PLOD1: variants seen among roughly 807,000 people sequenced by gnomAD.
The protein encoded by PLOD1 is lysine hydroxylase.
A neutral mutation model predicts 94.7 loss-of-function variants in PLOD1; 70 were observed. The observed-to-expected ratio is 0.74, with a 90% confidence interval of 0.61 to 0.90. PLOD1 has a LOEUF of 0.90. Ranked by LOEUF, PLOD1 falls within the 40% of genes least tolerant of loss-of-function variation. The pLI is 0.00. For synonymous variants in PLOD1, 417 were observed against 400.2 expected, an observed-to-expected ratio of 1.04 and a Z score of -0.50; for missense variants, 905 against 972.7, an observed-to-expected ratio of 0.93 and a Z score of 0.93.
chr1:11,934,981 T>G (rs1645568582), intron 1 of PLOD1, 126 bp downstream of exon 1: 1 of 1,197,032 alleles, frequency 8.4e-7, no homozygotes, highest in East Asian at 2.9e-5. Context: ...TCCGGCTCCT[T>G]GTCCACTTAA....
At chr1:11,949,468 G>A (rs563036918) in intron 2 of PLOD1, among the ~76,000 whole-genome samples, 51 of 152,248 alleles carry the variant, frequency 3.3e-4, no homozygotes, top group Non-Finnish European at 5.1e-4. Context: ...CTCCCAGGCT[G>A]AAGTGCAATG....
intron 1 of PLOD1, among the ~76,000 whole-genome samples, chr1:11,945,911 G>T (rs1645650902): frequency 6.6e-6 from 1 of 152,008 alleles, no homozygotes; most frequent in South Asian, 2.1e-4. Context: ...GTTTCACCAT[G>T]TTGGCCAGGC....
chr1:11,954,867 T>C lies in PLOD1; in HGVS notation c.617T>C (p.Ile206Thr), dbSNP rs781376270. The C allele has an allele frequency of 1.2e-6, 2 of 1,613,986 alleles. No individual in the cohort carries two copies. Among genetic ancestry groups the C allele is most frequent in the Non-Finnish European group, 1.7e-6 (2 of 1,179,844 alleles). ...ATCACCCTGGACCACCGCTGCCGTATCTTCCAGAACCTGGATGGAGCCTTG... is the reference window on the plus strand; with the variant it reads ...ATCACCCTGGACCACCGCTGCCGTACCTTCCAGAACCTGGATGGAGCCTTG... ...INITLDHRCR[I>T]FQNLDGALDE... Residue 206 changes from isoleucine (I) to threonine (T), a missense_variant, in exon 6 of 19, where the codon ATC (isoleucine) becomes ACC (threonine). Physicochemically the swap from Ile to Thr is moderately conservative, Grantham distance 89. Transcript: ENST00000196061.
Position 11,934,741 on chromosome 1 carries a change from G to C in PLOD1, c.-39G>C. 3 of 1,518,852 alleles carry C rather than the reference G, an allele frequency of 2.0e-6. No homozygotes were observed. Among genetic ancestry groups the C allele is most frequent in the South Asian group, 2.4e-5 (2 of 81,808 alleles). 94.1% of individuals were successfully genotyped at this position (1,518,852 alleles called of 1,614,324 possible). ...CGTCGCGAAGTTTCCAGCCCTGCGAGCGCCGCCGGGTCGGCCGATCGTCCC... is the reference window on the plus strand; with the variant it reads ...CGTCGCGAAGTTTCCAGCCCTGCGACCGCCGCCGGGTCGGCCGATCGTCCC... On this transcript the variant is annotated 5_prime_UTR_variant, in exon 1 of 19. Coordinates refer to ENST00000196061, the MANE Select transcript of PLOD1 (RefSeq NM_000302.4).
chr1:11,944,700 T>TC, intron 1 of PLOD1: 1 of 1,259,874 alleles, frequency 7.9e-7, no homozygotes, highest in Non-Finnish European at 1.0e-6. Flanking sequence ...GCCTGGTGTA[T>TC]CCACCCCCTC....
chr1:11,957,319 C>T lies in PLOD1; in HGVS notation c.741+305C>T, dbSNP rs150684966. The T allele has an allele frequency of 1.1e-5, 6 of 558,866 alleles. No homozygotes were observed. Among genetic ancestry groups the T allele is most frequent in the Non-Finnish European group, 2.0e-5 (6 of 293,954 alleles). 34.6% of individuals were successfully genotyped at this position (558,866 alleles called of 1,614,324 possible). The stretch of plus-strand genomic sequence containing the variant: ...ACCCCAGGGCAGAGTCACTTATTCA[C>T]TCAGTAAACCTTTATTTCATGTTTG... On this transcript the variant is annotated intron_variant, in intron 7 of 18. Coordinates refer to ENST00000196061, the MANE Select transcript of PLOD1 (RefSeq NM_000302.4). This position sits in a 1 kb window ranked among gnomAD's most constrained non-coding sequence, Gnocchi z 4.1.
At chr1:11,947,868 TGAA>T (rs1557485355) in intron 1 of PLOD1, 105 bp from the exon 2 acceptor site, 2 of 773,362 alleles carry the variant, frequency 2.6e-6, no homozygotes, top group South Asian at 1.4e-5. Context: ...TGGGTTGACA[TGAA>T]GACACTTCCT....
Position 11,948,066 on chromosome 1 carries a change from A to G in PLOD1, c.167A>G (p.Gln56Arg), listed in dbSNP as rs1169919643. 6.2e-7 allele frequency: 1 copy of G among 1,609,458 alleles called. No individual in the cohort carries two copies. The highest frequency in any genetic ancestry group is 8.5e-7 in the Non-Finnish European group (1 of 1,175,748). ...GCTCAGTTCTTCAACTACAAGATCC[A>G]GGTAAGGGGTTTCCTGGGTGAGGCA... is the stretch of plus-strand genomic sequence containing the variant. ...RSAQFFNYKIQALGLGEDWNV... is the reference protein window; with the variant it reads ...RSAQFFNYKIRALGLGEDWNV... Residue 56 changes from glutamine (Q) to arginine (R), a missense_variant and splice_region_variant, in exon 2 of 19, where the codon CAG (glutamine) becomes CGG (arginine). Transcript: ENST00000196061.
chr1:11,950,527 G>C lies in PLOD1; in HGVS notation c.466+7G>C. 2 of 1,613,654 alleles carry C rather than the reference G, an allele frequency of 1.2e-6. No individual in the cohort carries two copies. On this transcript the variant is annotated splice_region_variant and intron_variant, in intron 4 of 18. Coordinates refer to ENST00000196061, the MANE Select transcript of PLOD1 (RefSeq NM_000302.4). Reference sequence around the variant, plus strand: ...AGGTTCCTGGGCTCTGGAGGTGAGAGGCCTGGGTGCAGGGCGCTTGGCCCA... The same window carrying C: ...AGGTTCCTGGGCTCTGGAGGTGAGACGCCTGGGTGCAGGGCGCTTGGCCCA...
intron 5 of PLOD1, among the ~76,000 whole-genome samples, chr1:11,953,550 T>C (rs1034261507): frequency 6.6e-6 from 1 of 151,578 alleles, no homozygotes; most frequent in Non-Finnish European, 1.5e-5. Flanking sequence ...CCCAGCACTT[T>C]GGAGGCCAAA....
At chr1:11,953,957 C>T (rs1057262690) in intron 5 of PLOD1, among the ~76,000 whole-genome samples, 23 of 151,582 alleles carry the variant, frequency 1.5e-4, no homozygotes, top group Non-Finnish European at 2.5e-4. Flanking sequence ...CTCAGCCTCC[C>T]GGACTCAAGC....
rs1003502922 is a variant in PLOD1 at position 11,957,813 on chromosome 1, T to G, written c.742-29T>G. 1.3e-6 allele frequency: 2 copies of G among 1,545,100 alleles called. No homozygotes were observed. Among genetic ancestry groups the G allele is most frequent in the Non-Finnish European group, 1.8e-6 (2 of 1,117,048 alleles). On this transcript the variant is annotated intron_variant, in intron 7 of 18. Transcript: ENST00000196061. The surrounding 1 kb of genome is among the most constrained non-coding windows in gnomAD (Gnocchi z 4.1). Reference sequence around the variant, plus strand: ...GCTATGGCAGGTGGGGCTGGCTGGCTTCTCTGTGACCCCACGTCTCCCCGA... The same window carrying G: ...GCTATGGCAGGTGGGGCTGGCTGGCGTCTCTGTGACCCCACGTCTCCCCGA...
rs777716638 is a variant in PLOD1, at chr1:11,960,767, CGTG to C, written c.1097+1_1097+3del. On this transcript the variant is annotated splice_donor_variant and splice_donor_region_variant and intron_variant, in intron 10 of 18. Transcript: ENST00000196061. LOFTEE classifies it high-confidence loss of function. Reference sequence around the variant, plus strand: ...AATGCAGATGCCAGGAACATGGGCGCGTGAGTTGTGGGCCACAGTACTCTCCAC... The same window carrying C: ...AATGCAGATGCCAGGAACATGGGCGCAGTTGTGGGCCACAGTACTCTCCAC... The C allele has an allele frequency of 6.2e-7, 1 of 1,612,728 alleles. No individual in the cohort carries two copies. The highest frequency in any genetic ancestry group is 8.5e-7 in the Non-Finnish European group (1 of 1,179,980).
At chr1:11,952,820 C>A in intron 5 of PLOD1, 85 bp downstream of exon 5, 1 of 970,598 alleles carries the variant, frequency 1.0e-6, no homozygotes, top group Non-Finnish European at 1.7e-6. Flanking sequence ...CAGGCCTGAA[C>A]CCCTGGGTTG....
intron 18 of PLOD1, 130 bp downstream of exon 18, chr1:11,973,127 A>G: frequency 1.0e-6 from 1 of 964,986 alleles, no homozygotes; most frequent in Non-Finnish European, 1.6e-6. Flanking sequence ...AAAAAAAAGG[A>G]TGTGGGTCTG....
chr1:11,957,999 A>T lies in PLOD1; in HGVS notation c.843+56A>T. On this transcript the variant is annotated intron_variant, in intron 8 of 18. Transcript: ENST00000196061. The surrounding 1 kb of genome is among the most constrained non-coding windows in gnomAD (Gnocchi z 4.1). ...GACACGGGGGGCTCAGTCCCCTGAGATGGCGAGATGGGTGATTCTGGAATA... is the reference window on the plus strand; with the variant it reads ...GACACGGGGGGCTCAGTCCCCTGAGTTGGCGAGATGGGTGATTCTGGAATA... The T allele has an allele frequency of 9.4e-7, 1 of 1,069,446 alleles. No homozygotes were observed. The highest frequency in any genetic ancestry group is 1.5e-6 in the Non-Finnish European group (1 of 682,932). The allele number at this position is 1,069,446 out of a possible 1,614,324, so 66.2% of individuals were successfully genotyped here. A position where few individuals can be genotyped will look rare whatever the true frequency, so the allele number is the denominator to read the frequency against.
chr1:11,960,803 G>C (rs1645773361), intron 10 of PLOD1, 36 bp downstream of exon 10: 2 of 1,610,416 alleles, frequency 1.2e-6, no homozygotes, highest in East Asian at 2.2e-5. Flanking sequence ...CACTGACAGT[G>C]GGGGCAGGGG....
intron 1 of PLOD1, among the ~76,000 whole-genome samples, chr1:11,944,981 C>G (rs1173381469): frequency 6.6e-6 from 1 of 152,198 alleles, no homozygotes; most frequent in Admixed American, 6.5e-5. Flanking sequence ...TAAGACTCAC[C>G]CAGGGAAACA....
At chr1:11,971,973 A>G (rs1540923) in intron 17 of PLOD1, 78,569 of 152,068 alleles carry the variant, frequency 0.52, 21,027 homozygotes, top group East Asian at 0.64. Context: ...TTCCAGTGCT[A>G]TCACTCATGT....
Sources: gnomAD v4.1 joint callset for allele counts (sites outside exome capture counted in the v4.1 genomes callset) on GRCh38, gnomAD v4.1.1 for gene constraint, Gnocchi (gnomAD v3.1) non-coding constraint, MANE v1.5 for transcripts, NCBI Gene and HGNC (gene_info 2026-07-23, HGNC 2026-07-21) for gene names.